The following R3HCC1L variants were observed in gnomAD, a reference collection of about 807,000 sequenced individuals.
R3HCC1L encodes the protein coiled-coil domain-containing protein R3HCC1L.
Under a neutral mutation model 59.9 loss-of-function variants are expected in R3HCC1L, and 51 were observed. The observed-to-expected ratio is 0.85, with a 90% confidence interval of 0.68 to 1.07. The LOEUF (loss-of-function observed/expected upper bound fraction) is 1.07, where lower values mean the gene tolerates loss of function less well. Among genes scored for constraint, R3HCC1L ranks in the 50% least tolerant of loss-of-function variants. The probability of loss-of-function intolerance (pLI) is 0.00; values close to 1 mark genes in which losing one functional copy is unlikely to be tolerated. For missense variants in R3HCC1L, 965 were observed against 933.0 expected, an observed-to-expected ratio of 1.03 and a Z score of -0.45; for synonymous variants, 322 against 315.2, an observed-to-expected ratio of 1.02 and a Z score of -0.23.
At chr10:98,196,053 T>TTTG (rs1851395004) in intron 4 of R3HCC1L, among the ~76,000 whole-genome samples, 1 of 152,212 alleles carries the variant, frequency 6.6e-6, no homozygotes, top group Non-Finnish European at 1.5e-5. Flanking sequence ...CTCAAGGTGC[T>TTTG]TTGTCATGTG....
At chr10:98,170,960 A>T (rs1848455435) in intron 4 of R3HCC1L, among the ~76,000 whole-genome samples, 1 of 152,212 alleles carries the variant, frequency 6.6e-6, no homozygotes, top group Non-Finnish European at 1.5e-5. Flanking sequence ...TAAGATAGTG[A>T]ATAGCTTTCA....
Position 98,231,638 on chromosome 10 carries a change from C to T in R3HCC1L, c.1912C>T (p.Pro638Ser). 1 of 1,612,524 alleles carries T rather than the reference C, an allele frequency of 6.2e-7. No homozygotes were observed. Among genetic ancestry groups the T allele is most frequent in the Non-Finnish European group, 8.5e-7 (1 of 1,178,944 alleles). The stretch of plus-strand genomic sequence containing the variant: ...ACATGTCATTGAAATTTATGACTTT[C>T]CCCAAGAATTTCATACTGAAGACCT... ...FPHVIEIYDFPQEFHTEDLLR... is the reference protein window; with the variant it reads ...FPHVIEIYDFSQEFHTEDLLR... The change falls in exon 6 of 10, where the codon CCC becomes TCC. Residue 638 changes from proline to serine, a missense_variant. By Grantham distance (74) the Pro-to-Ser change is moderately conservative. Coordinates refer to ENST00000298999, the MANE Select transcript of R3HCC1L (RefSeq NM_001351015.2).
At chr10:98,175,956 A>G (rs574626035) in intron 4 of R3HCC1L, among the ~76,000 whole-genome samples, 2 of 152,230 alleles carry the variant, frequency 1.3e-5, no homozygotes, top group African/African-American at 2.4e-5. Flanking sequence ...TAGTTTTTAT[A>G]TGTGGTGTGA....
intron 1 of R3HCC1L, among the ~76,000 whole-genome samples, chr10:98,141,985 T>C (rs1367745051): frequency 6.6e-6 from 1 of 152,212 alleles, no homozygotes. Context: ...GTATCACTTT[T>C]TAAATGTCAA....
At chr10:98,233,019 A>T (rs1040102049) in intron 6 of R3HCC1L, among the ~76,000 whole-genome samples, 4 of 152,186 alleles carry the variant, frequency 2.6e-5, no homozygotes, top group African/African-American at 9.6e-5. Flanking sequence ...TTAAATGTAT[A>T]GTGTGTAGGT....
chr10:98,147,445 T>C (rs1845772708), intron 1 of R3HCC1L, among the ~76,000 whole-genome samples: 1 of 152,186 alleles, frequency 6.6e-6, no homozygotes, highest in Non-Finnish European at 1.5e-5. Flanking sequence ...TTGCCTGGGT[T>C]GCATGTGCTT....
intron 4 of R3HCC1L, among the ~76,000 whole-genome samples, chr10:98,196,163 A>T (rs895759630): frequency 6.6e-6 from 1 of 152,204 alleles, no homozygotes; most frequent in African/African-American, 2.4e-5. Context: ...TTCTATTCTC[A>T]TAGTTGCTCA....
At chr10:98,152,097 C>A (rs542892903) in intron 1 of R3HCC1L, among the ~76,000 whole-genome samples, 1 of 152,278 alleles carries the variant, frequency 6.6e-6, no homozygotes, top group East Asian at 1.9e-4. Flanking sequence ...CGATTGCAGG[C>A]GCGCGCCGCC....
rs1282722208 is a variant in R3HCC1L at position 98,209,220 on chromosome 10, G to C, written c.1106G>C (p.Gly369Ala). The change falls in exon 5 of 10, where the codon GGT (glycine) becomes GCT (alanine). Residue 369 changes from glycine to alanine, a missense_variant. By Grantham distance (60) the Gly-to-Ala change is moderately conservative. Transcript: ENST00000298999. ...THRDSGFKNVGDITNKACMMD... is the reference protein window; with the variant it reads ...THRDSGFKNVADITNKACMMD... Reference sequence around the variant, plus strand: ...AGAGATAGTGGATTTAAGAATGTAGGTGACATTACCAATAAAGCATGTATG... The same window carrying C: ...AGAGATAGTGGATTTAAGAATGTAGCTGACATTACCAATAAAGCATGTATG... 6.2e-7 allele frequency: 1 copy of C among 1,613,714 alleles called. No individual in the cohort carries two copies. The highest frequency in any genetic ancestry group is 1.7e-5 in the Admixed American group (1 of 60,006).
At chr10:98,239,192 GA>G (rs1231661562) in intron 9 of R3HCC1L, among the ~76,000 whole-genome samples, 2 of 152,056 alleles carry the variant, frequency 1.3e-5, no homozygotes, top group African/African-American at 2.4e-5. Flanking sequence ...ACAAATTCAG[GA>G]TATGATTATT....
At chr10:98,136,324 G>A (rs1844581090) in intron 1 of R3HCC1L, among the ~76,000 whole-genome samples, 1 of 152,160 alleles carries the variant, frequency 6.6e-6, no homozygotes, top group Non-Finnish European at 1.5e-5. Flanking sequence ...GCAAATTTGA[G>A]TTCAAGTCCT....
intron 2 of R3HCC1L, among the ~76,000 whole-genome samples, chr10:98,160,259 A>C (rs1048150453): frequency 3.9e-5 from 6 of 152,364 alleles, no homozygotes; most frequent in African/African-American, 1.4e-4. Context: ...AGGTAGTCTA[A>C]ATCTGTGCTG....
chr10:98,174,875 T>C, intron 4 of R3HCC1L: 3 of 749,168 alleles, frequency 4.0e-6, no homozygotes, highest in Non-Finnish European at 4.9e-6. Flanking sequence ...ATGTTCGTAA[T>C]GTTATTTGGA....
intron 9 of R3HCC1L, among the ~76,000 whole-genome samples, chr10:98,236,574 G>T (rs1856985645): frequency 6.6e-6 from 1 of 152,200 alleles, no homozygotes; most frequent in African/African-American, 2.4e-5. Context: ...TGAGGTAGAA[G>T]ACAAATTTAG....
intron 5 of R3HCC1L, among the ~76,000 whole-genome samples, chr10:98,223,762 G>T (rs1439700231): frequency 1.3e-5 from 2 of 152,084 alleles, no homozygotes; most frequent in African/African-American, 4.8e-5. Flanking sequence ...ACAACAGCAG[G>T]CTGAGTGTGC....
chr10:98,204,713 AACTT>A (rs780460928), intron 4 of R3HCC1L, among the ~76,000 whole-genome samples: 34 of 152,164 alleles, frequency 2.2e-4, no homozygotes, highest in Middle Eastern at 3.2e-3. Flanking sequence ...ACATTCACGT[AACTT>A]TTATATATTA....
intron 1 of R3HCC1L, among the ~76,000 whole-genome samples, chr10:98,143,527 C>A (rs888764978): frequency 6.6e-6 from 1 of 152,088 alleles, no homozygotes; most frequent in African/African-American, 2.4e-5. Flanking sequence ...CTTTTTTGTA[C>A]CATGTTTCTT....
intron 4 of R3HCC1L, among the ~76,000 whole-genome samples, chr10:98,183,056 A>C (rs185633891): frequency 6.6e-6 from 1 of 152,050 alleles, no homozygotes; most frequent in African/African-American, 2.4e-5. Context: ...CCACTGTCCA[A>C]CCAGTCCCAA....
chr10:98,191,457 G>T (rs1850834229), intron 4 of R3HCC1L, among the ~76,000 whole-genome samples: 1 of 152,192 alleles, frequency 6.6e-6, no homozygotes, highest in Non-Finnish European at 1.5e-5. Context: ...GTCTTCTTTT[G>T]AGAAGTGTCT....
Sources: gnomAD v4.1 joint callset for allele counts (sites outside exome capture counted in the v4.1 genomes callset) on GRCh38, gnomAD v4.1.1 for gene constraint, MANE v1.5 for transcripts, NCBI Gene and HGNC (gene_info 2026-07-23, HGNC 2026-07-21) for gene names.